SCUBE2: variants seen among roughly 807,000 people sequenced by gnomAD.
SCUBE2 encodes signal peptide, CUB and EGF-like domain-containing protein 2.
Under a neutral mutation model 125.9 loss-of-function variants are expected in SCUBE2, and 114 were observed. That is an observed-to-expected ratio of 0.91 (90% confidence interval 0.78 to 1.06). The LOEUF is 1.06. SCUBE2 is among the 50% of genes least tolerant of loss of function. The pLI is 0.00. For synonymous variants in SCUBE2, 459 were observed against 492.9 expected (o/e 0.93, Z 0.91); for missense variants, 1,255 against 1,301.8 (o/e 0.96, Z 0.55).
intron 15 of SCUBE2, 83 bp downstream of exon 15, chr11:9,047,860 C>A: frequency 6.8e-7 from 1 of 1,464,120 alleles, no homozygotes; most frequent in Non-Finnish European, 9.2e-7. Context: ...TACTTTTCCC[C>A]CAAGAATAAT....
chr11:9,079,348 TGAAGGA>T (rs1345020704), intron 3 of SCUBE2, 30 bp downstream of exon 3: 1 of 1,611,892 alleles, frequency 6.2e-7, no homozygotes, highest in East Asian at 2.2e-5. Flanking sequence ...GGTGGGAGAG[TGAAGGA>T]GAATTGCCAT....
chr11:9,069,282 A>G (rs772314085), intron 5 of SCUBE2, 88 bp downstream of exon 5: 2 of 1,554,174 alleles, frequency 1.3e-6, no homozygotes, highest in African/African-American at 2.7e-5. Flanking sequence ...CAGCCGTGCC[A>G]TGAGGTGGTG....
chr11:9,040,883 C>T (rs1857178195), intron 16 of SCUBE2, among the ~76,000 whole-genome samples: 1 of 152,204 alleles, frequency 6.6e-6, no homozygotes, highest in Admixed American at 6.5e-5. Context: ...TATTCTTGGA[C>T]CATGGTTGAC....
chr11:9,030,780 G>A lies in SCUBE2; in HGVS notation c.2319C>T (p.Ser773=), dbSNP rs746040151. The A allele has an allele frequency of 7.4e-6, 12 of 1,613,922 alleles. No individual in the cohort carries two copies. Among genetic ancestry groups the A allele is most frequent in the East Asian group, 2.2e-5 (1 of 44,902 alleles). ...CACCTCTGGTTTCACAGTCCTGAAA[G>A]GAAGTAGCTCCCTGATGTTTGGTGG... ...GLATKHQGAT[S]FQDCETRVQC... The change falls in exon 18 of 23, where the codon TCC becomes TCT. Residue 773 remains serine (S), a synonymous_variant. Coordinates refer to ENST00000649792, the MANE Select transcript of SCUBE2 (RefSeq NM_001367977.2).
At chr11:9,052,032 T>C (rs118167738) in intron 13 of SCUBE2, among the ~76,000 whole-genome samples, 2,668 of 152,312 alleles carry the variant, frequency 0.018, 31 homozygotes, top group Non-Finnish European at 0.029. Flanking sequence ...TTATTTCACC[T>C]CTCTGAGCCT....
Position 9,027,491 on chromosome 11 carries a change from G to A in SCUBE2, c.2574C>T (p.Tyr858=), listed in dbSNP as rs1478416121. 6.2e-7 allele frequency: 1 copy of A among 1,613,996 alleles called. No individual in the cohort carries two copies. Among genetic ancestry groups the A allele is most frequent in the Non-Finnish European group, 8.5e-7 (1 of 1,180,034 alleles). Reference sequence around the variant, plus strand: ...TCCACGTACACTCGGTGTTGGCTGGGTAATTGCCTGGGTAGTTTGGGGATT... The same window carrying A: ...TCCACGTACACTCGGTGTTGGCTGGATAATTGCCTGGGTAGTTTGGGGATT... ...YIESPNYPGN[Y]PANTECTWTI... The change falls in exon 20 of 23, where the codon TAC becomes TAT. Residue 858 remains tyrosine, a synonymous_variant. Coordinates refer to ENST00000649792, the MANE Select transcript of SCUBE2 (RefSeq NM_001367977.2).
rs1268623953 is a variant in SCUBE2 at position 9,021,034 on chromosome 11, C to T, written c.*11G>A. 4.3e-6 allele frequency: 7 copies of T among 1,610,036 alleles called. No individual in the cohort carries two copies. Among genetic ancestry groups the T allele is most frequent in the Non-Finnish European group, 3.4e-6 (4 of 1,178,828 alleles). ...AGCAGAACATTTGTATTGAGTGGCA[C>T]GTGGGCTGAGTCATTTGTAAGGTCT... On this transcript the variant is annotated 3_prime_UTR_variant, in exon 23 of 23. Coordinates refer to ENST00000649792, the MANE Select transcript of SCUBE2 (RefSeq NM_001367977.2).
At chr11:9,046,010 T>C (rs980853566) in intron 16 of SCUBE2, among the ~76,000 whole-genome samples, 1 of 145,168 alleles carries the variant, frequency 6.9e-6, no homozygotes, top group African/African-American at 2.5e-5. Flanking sequence ...TCTTTTTTTT[T>C]TTTTTTTTTT....
chr11:9,025,811 G>T lies in SCUBE2; in HGVS notation c.2745C>A (p.Tyr915Ter). ...SVTTYETCQT[Y>*]ERPIAFTSRS... ...TGGAGGTGAAGGCGATGGGGCGTTC[G>T]TAGGTCTGGCAGGTTTCATATGTTG... Residue 915 changes from tyrosine to a stop codon, truncating the protein, a stop_gained, in exon 21 of 23, where the codon TAC becomes TAA. Coordinates refer to ENST00000649792, the MANE Select transcript of SCUBE2 (RefSeq NM_001367977.2). LOFTEE classifies it high-confidence loss of function. 2 of 1,614,156 alleles carry T rather than the reference G, an allele frequency of 1.2e-6. No homozygotes were observed. Among genetic ancestry groups the T allele is most frequent in the Non-Finnish European group, 1.7e-6 (2 of 1,180,034 alleles).
intron 4 of SCUBE2, among the ~76,000 whole-genome samples, chr11:9,070,078 C>T (rs1204167207): frequency 3.3e-5 from 5 of 152,144 alleles, no homozygotes; most frequent in Admixed American, 3.3e-4. Context: ...CTTGATCCCT[C>T]CCTCAGGGCA....
chr11:9,030,094 T>G (rs2135127234), intron 18 of SCUBE2, 49 bp from the exon 19 acceptor site: 1 of 1,582,394 alleles, frequency 6.3e-7, no homozygotes, highest in Non-Finnish European at 8.6e-7. Flanking sequence ...AAGATTATTT[T>G]TAATCAAATG....
chr11:9,077,839 G>A (rs565598390), intron 3 of SCUBE2, among the ~76,000 whole-genome samples: 97 of 152,348 alleles, frequency 6.4e-4, no homozygotes, highest in African/African-American at 2.1e-3. Flanking sequence ...GATAATATCT[G>A]TGTTATCGGC....
intron 7 of SCUBE2, among the ~76,000 whole-genome samples, chr11:9,062,738 C>A (rs113892890): frequency 6.7e-6 from 1 of 150,150 alleles, no homozygotes; most frequent in South Asian, 2.1e-4. Context: ...AACATGAAAA[C>A]GAAAACTTTA....
chr11:9,070,586 C>G (rs1860700211), intron 4 of SCUBE2, among the ~76,000 whole-genome samples: 1 of 152,182 alleles, frequency 6.6e-6, no homozygotes, highest in Non-Finnish European at 1.5e-5. Flanking sequence ...CAATGAGACA[C>G]TCTAATACTA....
Position 9,020,890 on chromosome 11 carries a change from A to T in SCUBE2, c.*155T>A. 1.6e-6 allele frequency: 1 copy of T among 615,394 alleles called. No homozygotes were observed. Among genetic ancestry groups the T allele is most frequent in the Admixed American group, 3.6e-5 (1 of 27,530 alleles). 38.1% of individuals were successfully genotyped at this position (615,394 alleles called of 1,614,324 possible). ...GGGAAAGAAAAACCAAGTTCAATTT[A>T]CCAAAATATCTGTATTATCTATAAA... On this transcript the variant is annotated 3_prime_UTR_variant, in exon 23 of 23. Coordinates refer to ENST00000649792, the MANE Select transcript of SCUBE2 (RefSeq NM_001367977.2).
At chr11:9,083,012 C>A (rs1057251607) in intron 2 of SCUBE2, among the ~76,000 whole-genome samples, 1 of 106,284 alleles carries the variant, frequency 9.4e-6, no homozygotes, top group African/African-American at 2.7e-5. Flanking sequence ...TTTCTGAAAT[C>A]TAAAATTATA....
chr11:9,023,112 G>C (rs1408810934), intron 21 of SCUBE2, among the ~76,000 whole-genome samples: 1 of 152,070 alleles, frequency 6.6e-6, no homozygotes, highest in Non-Finnish European at 1.5e-5. Flanking sequence ...CTTCCTATAG[G>C]CATCATTCAA....
intron 2 of SCUBE2, among the ~76,000 whole-genome samples, chr11:9,087,546 A>C (rs780874450): frequency 6.6e-6 from 1 of 152,054 alleles, no homozygotes; most frequent in Non-Finnish European, 1.5e-5. Context: ...AAAGAGAGAG[A>C]GAGCGTGAGC....
At chr11:9,050,316 T>A in intron 14 of SCUBE2, 1 of 305,618 alleles carries the variant, frequency 3.3e-6, no homozygotes, top group South Asian at 1.0e-4. Flanking sequence ...TGCTAATTCA[T>A]CTGAAGCCCT....
Sources: allele counts gnomAD v4.1 joint callset (sites outside exome capture counted in the v4.1 genomes callset), GRCh38; gene constraint gnomAD v4.1.1; transcripts MANE v1.5; gene names NCBI Gene and HGNC (gene_info 2026-07-23, HGNC 2026-07-21).